ETV6: variants seen among roughly 807,000 people sequenced by gnomAD.
The protein encoded by ETV6 is ETS variant transcription factor 6.
Under a neutral mutation model 51.1 loss-of-function variants are expected in ETV6, and 16 were observed. The ratio of observed to expected loss-of-function variants is 0.31; its 90% CI spans 0.21 to 0.48. The LOEUF is 0.48. ETV6 is among the 20% of genes least tolerant of loss of function. ETV6 has a pLI of 0.99. For synonymous variants in ETV6, 240 were observed against 224.1 expected, an observed-to-expected ratio of 1.07 and a Z score of -0.64; for missense variants, 458 against 594.8, an observed-to-expected ratio of 0.77 and a Z score of 2.39.
intron 2 of ETV6, among the ~76,000 whole-genome samples, chr12:11,783,717 G>A (rs1363016681): frequency 2.6e-5 from 4 of 152,222 alleles, no homozygotes; most frequent in Non-Finnish European, 5.9e-5. Context: ...TCAATGGAAA[G>A]ATGGACACTT....
At chr12:11,704,932 A>C (rs1865045474) in intron 1 of ETV6, among the ~76,000 whole-genome samples, 1 of 152,210 alleles carries the variant, frequency 6.6e-6, no homozygotes, top group Non-Finnish European at 1.5e-5. Context: ...TAAGTGACAT[A>C]AGCCAGATAC....
At chr12:11,726,695 A>G (rs4763721) in intron 1 of ETV6, among the ~76,000 whole-genome samples, 48,515 of 152,030 alleles carry the variant, frequency 0.32, 8,506 homozygotes, top group East Asian at 0.45. Flanking sequence ...GCTTGAGCCC[A>G]GGAGTTCAAG....
At chr12:11,741,540 G>C (rs1865810984) in intron 1 of ETV6, among the ~76,000 whole-genome samples, 3 of 152,196 alleles carry the variant, frequency 2.0e-5, no homozygotes, top group South Asian at 4.1e-4. Context: ...GCTCCGGAAA[G>C]TGAAGCTGAG....
At chr12:11,769,468 C>G (rs1013148848) in intron 2 of ETV6, among the ~76,000 whole-genome samples, 1 of 151,810 alleles carries the variant, frequency 6.6e-6, no homozygotes, top group Non-Finnish European at 1.5e-5. Context: ...TTTGATGGTA[C>G]CTGATTATAA....
At chr12:11,725,516 G>T (rs1181704289) in intron 1 of ETV6, among the ~76,000 whole-genome samples, 1 of 152,120 alleles carries the variant, frequency 6.6e-6, no homozygotes, top group Non-Finnish European at 1.5e-5. Context: ...CTGAATTATG[G>T]CTTTTTCTTT....
At chr12:11,670,889 C>G (rs1864300484) in intron 1 of ETV6, among the ~76,000 whole-genome samples, 1 of 152,130 alleles carries the variant, frequency 6.6e-6, no homozygotes. Flanking sequence ...TTTCTGGGTT[C>G]TAATCATTTA....
intron 2 of ETV6, among the ~76,000 whole-genome samples, chr12:11,828,152 A>G (rs964602555): frequency 1.1e-4 from 16 of 152,306 alleles, no homozygotes; most frequent in Non-Finnish European, 1.9e-4. Flanking sequence ...GCCCTGCAGT[A>G]TAGGAAATGC....
chr12:11,827,299 G>A (rs761707119), intron 2 of ETV6, among the ~76,000 whole-genome samples: 1 of 151,974 alleles, frequency 6.6e-6, no homozygotes, highest in Admixed American at 6.5e-5. Context: ...GGGTAGATTC[G>A]ACACCCAAAG....
chr12:11,684,570 C>T (rs937273387), intron 1 of ETV6, among the ~76,000 whole-genome samples: 2 of 152,194 alleles, frequency 1.3e-5, no homozygotes, highest in African/African-American at 2.4e-5. Flanking sequence ...GTGATCACTA[C>T]GTGACTAATC....
intron 1 of ETV6, among the ~76,000 whole-genome samples, chr12:11,707,261 A>C (rs1865089531): frequency 1.3e-5 from 2 of 152,210 alleles, no homozygotes; most frequent in Admixed American, 1.3e-4. Flanking sequence ...GAAGTCTTAA[A>C]AATAATAAAG....
At chr12:11,777,112 T>C (rs552495329) in intron 2 of ETV6, among the ~76,000 whole-genome samples, 68 of 151,940 alleles carry the variant, frequency 4.5e-4, no homozygotes, top group Admixed American at 3.6e-3. Context: ...TGGTGGCAGG[T>C]GCCTGTAGTC....
intron 1 of ETV6, among the ~76,000 whole-genome samples, chr12:11,664,338 A>AT (rs2120660417): frequency 6.6e-6 from 1 of 151,710 alleles, no homozygotes. Context: ...TTATTTATTT[A>AT]TTTTTGTCCC....
At chr12:11,704,746 G>A (rs1865041656) in intron 1 of ETV6, among the ~76,000 whole-genome samples, 1 of 152,144 alleles carries the variant, frequency 6.6e-6, no homozygotes, top group Admixed American at 6.5e-5. Context: ...GGTTGCTATA[G>A]TGAGGTAGGC....
chr12:11,895,200 C>A lies in ETV6; in HGVS notation c.*4154C>A, dbSNP rs942905089. On this transcript the variant is annotated 3_prime_UTR_variant, in exon 8 of 8. Coordinates refer to ENST00000396373, the MANE Select transcript of ETV6 (RefSeq NM_001987.5). ...ACCAGAACGACTCTAGAATTTCCTT[C>A]CCCGCCCCCCTTTTTGTTTAGTTTC... 1.7e-5 allele frequency: 4 copies of A among 232,580 alleles called. No individual in the cohort carries two copies. The highest frequency in any genetic ancestry group is 3.4e-5 in the Non-Finnish European group (4 of 117,530). The allele number at this position is 232,580 out of a possible 1,614,324, so 14.4% of individuals were successfully genotyped here. A position where few individuals can be genotyped will look rare whatever the true frequency, so the allele number is the denominator to read the frequency against.
At chr12:11,808,204 A>G (rs1210959714) in intron 2 of ETV6, among the ~76,000 whole-genome samples, 1 of 152,260 alleles carries the variant, frequency 6.6e-6, no homozygotes, top group African/African-American at 2.4e-5. Context: ...ACGCAAGGGC[A>G]GTAGAATTGA....
At chr12:11,760,878 A>ATATGTGTGTGTG (rs1337448290) in intron 2 of ETV6, among the ~76,000 whole-genome samples, 4 of 148,426 alleles carry the variant, frequency 2.7e-5, no homozygotes, top group Admixed American at 6.7e-5. Context: ...TATTATATAT[A>ATATGTGTGTGTG]TGTGTGTGTG....
At chr12:11,889,085 G>A (rs1336183807) in intron 7 of ETV6, among the ~76,000 whole-genome samples, 3 of 152,220 alleles carry the variant, frequency 2.0e-5, no homozygotes, top group East Asian at 1.9e-4. Flanking sequence ...AGCTTAATAT[G>A]GGAAAGTCGT....
intron 2 of ETV6, among the ~76,000 whole-genome samples, chr12:11,825,874 G>T (rs1429731743): frequency 2.3e-5 from 3 of 130,258 alleles, no homozygotes; most frequent in Admixed American, 8.9e-5. Context: ...GCCTCATTCT[G>T]TCACCCAGGC....
intron 1 of ETV6, among the ~76,000 whole-genome samples, chr12:11,733,783 T>C (rs190725545): frequency 4.8e-4 from 73 of 152,356 alleles, no homozygotes; most frequent in African/African-American, 1.7e-3. Context: ...CCACATACCC[T>C]GTTCAGCCAT....
Sources: gnomAD v4.1 joint callset for allele counts (sites outside exome capture counted in the v4.1 genomes callset) on GRCh38, gnomAD v4.1.1 for gene constraint, MANE v1.5 for transcripts, NCBI Gene and HGNC (gene_info 2026-07-23, HGNC 2026-07-21) for gene names.